GRIK5: variants seen among roughly 807,000 people sequenced by gnomAD.
The protein encoded by GRIK5 is glutamate ionotropic receptor kainate type subunit 5, also known as glutamate receptor ionotropic, kainate 5.
Under a neutral mutation model 97.4 loss-of-function variants are expected in GRIK5, and 43 were observed. The observed-to-expected ratio is 0.44, with a 90% CI of 0.35 to 0.57. GRIK5 has a LOEUF of 0.57. GRIK5 is among the 20% of genes least tolerant of loss of function. GRIK5 has a pLI of 0.01. For missense variants in GRIK5, 1,015 were observed against 1,382.0 expected (o/e 0.73, Z 4.21); for synonymous variants, 580 against 583.5 (o/e 0.99, Z 0.09).
At chr19:42,051,736 C>A (rs868272090) in intron 11 of GRIK5, among the ~76,000 whole-genome samples, 1 of 152,226 alleles carries the variant, frequency 6.6e-6, no homozygotes, top group South Asian at 2.1e-4. Flanking sequence ...CCATGTCAGG[C>A]AATACCAGCG....
intron 12 of GRIK5, among the ~76,000 whole-genome samples, chr19:42,039,825 C>T (rs1216444435): frequency 1.3e-5 from 2 of 151,958 alleles, no homozygotes; most frequent in African/African-American, 2.4e-5. Flanking sequence ...ACAAAAAACA[C>T]AAAAATTACC....
chr19:42,053,881 G>A lies in GRIK5; in HGVS notation c.1105C>T (p.Gln369Ter). The change falls in exon 10 of 20, where the codon CAG becomes TAG. Residue 369 changes from glutamine (Q) to a stop codon, truncating the protein, a stop_gained. Transcript: ENST00000593562. LOFTEE classifies it high-confidence loss of function. ...ATGCGCAGGGTGTAGTTGGTTCTCTGCCCTTTGCTGTTGAACTCGACCCGC... is the reference window on the plus strand; with the variant it reads ...ATGCGCAGGGTGTAGTTGGTTCTCTACCCTTTGCTGTTGAACTCGACCCGC... ...TGRVEFNSKG[Q>*]RTNYTLRILE... is the part of the protein sequence containing the mutation. 6.2e-7 allele frequency: 1 copy of A among 1,613,978 alleles called. No homozygotes were observed. Among genetic ancestry groups the A allele is most frequent in the Non-Finnish European group, 8.5e-7 (1 of 1,179,912 alleles).
chr19:42,061,387 C>T (rs540984269), intron 5 of GRIK5, among the ~76,000 whole-genome samples: 4 of 152,276 alleles, frequency 2.6e-5, no homozygotes, highest in Admixed American at 2.0e-4. Context: ...CCATGTTGCC[C>T]AGGCTGGTCT....
intron 12 of GRIK5, among the ~76,000 whole-genome samples, chr19:42,026,189 T>C (rs2075769727): frequency 1.3e-5 from 2 of 152,148 alleles, no homozygotes; most frequent in African/African-American, 4.8e-5. Context: ...GGTCTGGCTA[T>C]GTTCCCCAGG....
At chr19:42,064,720 C>G (rs929503178) in intron 3 of GRIK5, among the ~76,000 whole-genome samples, 1 of 152,238 alleles carries the variant, frequency 6.6e-6, no homozygotes, top group Non-Finnish European at 1.5e-5. Context: ...CTAACTCCAG[C>G]ACATCTGTTC....
Position 42,022,372 on chromosome 19 carries a change from G to A in GRIK5, c.1474-18C>T, listed in dbSNP as rs375492066. The A allele has an allele frequency of 2.0e-4, 324 of 1,599,410 alleles. No homozygotes were observed. The highest frequency in any genetic ancestry group is 2.7e-4 in the Admixed American group (16 of 59,894). ...TCTGCCTTCTGCTGGAGGGGAAGCC[G>A]GGCAGGGGTGGAGGGGGACAGAGGG... On this transcript the variant is annotated intron_variant, in intron 12 of 19. Coordinates refer to ENST00000593562, the MANE Select transcript of GRIK5 (RefSeq NM_002088.5). The surrounding 1 kb of genome is among the most constrained non-coding windows in gnomAD (Gnocchi z 4.2).
rs1455244911 is a variant in GRIK5 at position 42,042,554 on chromosome 19, G to A, written c.1471C>T (p.Arg491Trp). Residue 491 changes from arginine to tryptophan, a missense_variant and splice_region_variant, in exon 12 of 20, where the codon CGG becomes TGG. Around this residue, in one of 5 missense-constraint regions of GRIK5, gnomAD observed 477 missense variants for 701.1 expected, o/e 0.68. Coordinates refer to ENST00000593562, the MANE Select transcript of GRIK5 (RefSeq NM_002088.5). The surrounding 1 kb of genome is among the most constrained non-coding windows in gnomAD (Gnocchi z 6.9). ...WTGMVGELIN[R>W]KADLAVAAFT... ...TCCCGGCCCCAGTCCAGCCATACCC[G>A]GTTGATGAGCTCGCCAACCATGCCC... is the stretch of plus-strand genomic sequence containing the variant. 1.2e-6 allele frequency: 2 copies of A among 1,609,044 alleles called. No individual in the cohort carries two copies. Among genetic ancestry groups the A allele is most frequent in the Admixed American group, 1.7e-5 (1 of 59,984 alleles).
chr19:42,062,885 T>G lies in GRIK5; in HGVS notation c.245-30A>C. On this transcript the variant is annotated intron_variant, in intron 3 of 19. Transcript: ENST00000593562. This position sits in a 1 kb window ranked among gnomAD's most constrained non-coding sequence, Gnocchi z 5.3. ...GTGGGAAGGGGAAGAGACCGCAGAG[T>G]CAGGGACCCCCTGCCTCCTCTCCTT... 3 of 1,522,326 alleles carry G rather than the reference T, an allele frequency of 2.0e-6. No individual in the cohort carries two copies. Among genetic ancestry groups the G allele is most frequent in the African/African-American group, 1.4e-5 (1 of 73,108 alleles). 94.3% of individuals were successfully genotyped at this position (1,522,326 alleles called of 1,614,324 possible). A position where few individuals can be genotyped will look rare whatever the true frequency, so the allele number is the denominator to read the frequency against.
rs1244028669 is a variant in GRIK5 at position 42,041,489 on chromosome 19, A to G, written c.1473+1063T>C. On this transcript the variant is annotated intron_variant, in intron 12 of 19. Transcript: ENST00000593562. The stretch of plus-strand genomic sequence containing the variant: ...GTCCCCACGTCCCGTAACCCTCACT[A>G]TAGACCTGCAAGGTATTATTATCCC... Among the ~76,000 whole-genome samples the G allele has an allele frequency of 2.6e-5, 4 of 152,312 alleles. No individual in the cohort carries two copies. The East Asian group carries it at 5.8e-4, about 22-fold the overall frequency.
chr19:42,049,188 A>G (rs1055634317), intron 11 of GRIK5, among the ~76,000 whole-genome samples: 1 of 152,226 alleles, frequency 6.6e-6, no homozygotes, highest in African/African-American at 2.4e-5. Context: ...TAGCAAGTGG[A>G]ATTTTCATTC....
At position 42,022,413 on chromosome 19, in the gene GRIK5, C is replaced by G; in HGVS notation, c.1474-59G>C. On this transcript the variant is annotated intron_variant, in intron 12 of 19. Coordinates refer to ENST00000593562, the MANE Select transcript of GRIK5 (RefSeq NM_002088.5). The surrounding 1 kb of genome is among the most constrained non-coding windows in gnomAD (Gnocchi z 4.2). The stretch of plus-strand genomic sequence containing the variant: ...GGACAGAGGGGAAGACAGAAGTGGA[C>G]AGTTAGAGAGAAATGCACGGAGAGT... 2 of 1,539,130 alleles carry G rather than the reference C, an allele frequency of 1.3e-6. No homozygotes were observed. Among genetic ancestry groups the G allele is most frequent in the Non-Finnish European group, 1.8e-6 (2 of 1,126,622 alleles).
intron 19 of GRIK5, among the ~76,000 whole-genome samples, chr19:42,001,348 C>A (rs1452650491): frequency 6.6e-6 from 1 of 152,206 alleles, no homozygotes; most frequent in African/African-American, 2.4e-5. Flanking sequence ...CCTGTCTCAG[C>A]CTCCTGAGTA....
intron 12 of GRIK5, among the ~76,000 whole-genome samples, chr19:42,023,631 A>C (rs984661673): frequency 3.9e-5 from 6 of 152,052 alleles, no homozygotes; most frequent in Admixed American, 1.3e-4. Flanking sequence ...CTTTGTTCCC[A>C]CACTGGCCTT....
chr19:42,035,318 T>A (rs1453664194), intron 12 of GRIK5, among the ~76,000 whole-genome samples: 1 of 152,114 alleles, frequency 6.6e-6, no homozygotes, highest in Non-Finnish European at 1.5e-5. Flanking sequence ...CAGATCTATG[T>A]GTACTAACGT....
chr19:42,031,727 A>G (rs1250004443), intron 12 of GRIK5, among the ~76,000 whole-genome samples: 1 of 152,220 alleles, frequency 6.6e-6, no homozygotes, highest in Non-Finnish European at 1.5e-5. Flanking sequence ...AAATAATTCA[A>G]CAAAATATCA....
At position 42,022,296 on chromosome 19, in the gene GRIK5, T is replaced by C. The variant is rs531631021; in HGVS notation, c.1532A>G (p.Asp511Gly). 4 of 1,613,966 alleles carry C rather than the reference T, an allele frequency of 2.5e-6. No homozygotes were observed. In the African/African-American group the frequency reaches 5.3e-5, roughly 22 times the overall value. The change falls in exon 13 of 20, where the codon GAC becomes GGC. Residue 511 changes from aspartate (D) to glycine (G), a missense_variant. By Grantham distance (94) the Asp-to-Gly change is moderately conservative. This residue lies in a region of GRIK5 where 477 missense variants were observed against 701.1 expected (regional missense o/e 0.68). Coordinates refer to ENST00000593562, the MANE Select transcript of GRIK5 (RefSeq NM_002088.5). This position sits in a 1 kb window ranked among gnomAD's most constrained non-coding sequence, Gnocchi z 4.2. ...TITAEREKVI[D>G]FSKPFMTLGI... The stretch of plus-strand genomic sequence containing the variant: ...CAGGGTCATAAAGGGCTTGGAAAAG[T>C]CGATGACCTTCTCCCGCTCAGCTGT...
Position 42,022,469 on chromosome 19 carries a change from GT to G in GRIK5, c.1474-116del. 6.8e-7 allele frequency: 1 copy of G among 1,465,546 alleles called. No homozygotes were observed. Among genetic ancestry groups the G allele is most frequent in the African/African-American group, 1.4e-5 (1 of 71,284 alleles). The allele number at this position is 1,465,546 out of a possible 1,614,324, so 90.8% of individuals were successfully genotyped here. A position where few individuals can be genotyped will look rare whatever the true frequency, so the allele number is the denominator to read the frequency against. Reference sequence around the variant, plus strand: ...ACTGAGGGAGGCGAGAGAGAGAGAGGTAGGGAGGGGGAGGGGCCAGGAGCAT... The same window carrying G: ...ACTGAGGGAGGCGAGAGAGAGAGAGGAGGGAGGGGGAGGGGCCAGGAGCAT... On this transcript the variant is annotated intron_variant, in intron 12 of 19. Transcript: ENST00000593562. This position sits in a 1 kb window ranked among gnomAD's most constrained non-coding sequence, Gnocchi z 4.2.
In GRIK5 at chr19:42,070,044, C is replaced by A. The variant is rs987742853; in HGVS notation, c.-854G>T. Among the ~76,000 whole-genome samples, 1 of 152,042 alleles carries A rather than the reference C, an allele frequency of 6.6e-6. No individual in the cohort carries two copies. Among genetic ancestry groups the A allele is most frequent in the African/African-American group, 2.4e-5 (1 of 41,388 alleles). On this transcript the variant is annotated 5_prime_UTR_variant, in exon 1 of 20. Coordinates refer to ENST00000593562, the MANE Select transcript of GRIK5 (RefSeq NM_002088.5). ...GCTGGGCCTCAGTGGGAGGGCCTGGCGACACACTCCTGGTCCCCTGTGAGG... is the reference window on the plus strand; with the variant it reads ...GCTGGGCCTCAGTGGGAGGGCCTGGAGACACACTCCTGGTCCCCTGTGAGG...
rs936277620 is a variant in GRIK5, at chr19:42,064,154, T to C, written c.244+1069A>G. On this transcript the variant is annotated intron_variant, in intron 3 of 19. Transcript: ENST00000593562. ...GTTTAGGACTCTCAACTCAGACATA[T>C]ATCAGAGTACACACTCATCACCCAA... Among the ~76,000 whole-genome samples, 2 of 152,172 alleles carry C rather than the reference T, an allele frequency of 1.3e-5. 1 individual carries two copies. The highest frequency in any genetic ancestry group is 4.8e-5 in the African/African-American group (2 of 41,432).
Sources: gnomAD v4.1 joint callset for allele counts (sites outside exome capture counted in the v4.1 genomes callset) on GRCh38, gnomAD v4.1.1 for gene constraint, gnomAD v4.1.1 regional missense constraint, Gnocchi (gnomAD v3.1) non-coding constraint, MANE v1.5 for transcripts, NCBI Gene and HGNC (gene_info 2026-07-23, HGNC 2026-07-21) for gene names.